Variants in PDE3A observed in about 807,000 individuals in gnomAD.
PDE3A encodes cGMP-inhibited 3',5'-cyclic phosphodiesterase 3A.
A neutral mutation model predicts 98.3 loss-of-function variants in PDE3A; 43 were observed. That is an observed-to-expected ratio of 0.44 (90% CI 0.34 to 0.56). The LOEUF (loss-of-function observed/expected upper bound fraction) is 0.56. Ranked by LOEUF, PDE3A falls within the 20% of genes least tolerant of loss-of-function variation. The probability of loss-of-function intolerance (pLI) is 0.01; values close to 1 mark genes in which losing one functional copy is unlikely to be tolerated. For synonymous variants in PDE3A, 663 were observed against 567.9 expected, an observed-to-expected ratio of 1.17 and a Z score of -2.38; for missense variants, 1,427 against 1,440.7, an observed-to-expected ratio of 0.99 and a Z score of 0.15.
chr12:20,687,914 G>GAAAAAAAAAAAAAAAAAA lies in PDE3A; in HGVS notation c.*7649_*7666dup, dbSNP rs58496505. On this transcript the variant is annotated 3_prime_UTR_variant, in exon 16 of 16. Coordinates refer to ENST00000359062, the MANE Select transcript of PDE3A (RefSeq NM_000921.5). ...GACCAGTCATTACCTCTTCCCAACA[G>GAAAAAAAAAAAAAAAAAA]AAAAAAAAAAAAAAAAAAAAAAACT... Among the ~76,000 whole-genome samples the GAAAAAAAAAAAAAAAAAA allele has an allele frequency of 1.7e-4, 16 of 94,312 alleles. No individual in the cohort carries two copies. Among genetic ancestry groups the GAAAAAAAAAAAAAAAAAA allele is most frequent in the African/African-American group, 6.8e-4 (16 of 23,402 alleles). 61.9% of individuals were successfully genotyped at this position (94,312 alleles called of 152,430 possible). A position where few individuals can be genotyped will look rare whatever the true frequency, so the allele number is the denominator to read the frequency against.
chr12:20,667,278 G>A (rs919146673), intron 15 of PDE3A, among the ~76,000 whole-genome samples: 2 of 152,002 alleles, frequency 1.3e-5, no homozygotes, highest in East Asian at 1.9e-4. Flanking sequence ...TTCGTTTTTA[G>A]TTTAGTCCCA....
chr12:20,429,488 G>C (rs994279927), intron 1 of PDE3A, among the ~76,000 whole-genome samples: 1 of 152,154 alleles, frequency 6.6e-6, no homozygotes, highest in Non-Finnish European at 1.5e-5. Context: ...GTTTAGTTGT[G>C]AATATTGCAT....
chr12:20,370,400 GTTTTTTTTGTTTTTTTTTTTT>G lies in PDE3A; in HGVS notation c.960+158_960+178del, dbSNP rs906745944. On this transcript the variant is annotated intron_variant, in intron 1 of 15. Coordinates refer to ENST00000359062, the MANE Select transcript of PDE3A (RefSeq NM_000921.5). ...TAAGAAACTAGCAGGTTTTTTTTTTGTTTTTTTTGTTTTTTTTTTTTTGTTTTTTTGCCCTCTCTTTCACAC... is the reference window on the plus strand; with the variant it reads ...TAAGAAACTAGCAGGTTTTTTTTTTGTGTTTTTTTGCCCTCTCTTTCACAC... 247 of 359,856 alleles carry G rather than the reference GTTTTTTTTGTTTTTTTTTTTT, an allele frequency of 6.9e-4. 1 individual carries two copies. Among genetic ancestry groups the G allele is most frequent in the Middle Eastern group, 1.5e-3 (2 of 1,362 alleles). The allele number at this position is 359,856 out of a possible 1,614,324, so 22.3% of individuals were successfully genotyped here. A position where few individuals can be genotyped will look rare whatever the true frequency, so the allele number is the denominator to read the frequency against.
intron 1 of PDE3A, chr12:20,553,105 C>T (rs1194389933): frequency 2.5e-6 from 2 of 786,472 alleles, no homozygotes; most frequent in African/African-American, 3.5e-5. Context: ...TTAACTTAAA[C>T]AGGTAGTGTT....
At chr12:20,382,656 TG>T (rs1943682698) in intron 1 of PDE3A, among the ~76,000 whole-genome samples, 2 of 152,096 alleles carry the variant, frequency 1.3e-5, no homozygotes, top group African/African-American at 4.8e-5. Context: ...GACCAAAGCT[TG>T]TAATATATAC....
chr12:20,377,867 C>G (rs1208016962), intron 1 of PDE3A, among the ~76,000 whole-genome samples: 1 of 151,622 alleles, frequency 6.6e-6, no homozygotes, highest in African/African-American at 2.4e-5. Context: ...TGGTATGTAA[C>G]AGGGATTGCT....
chr12:20,420,325 T>A (rs983739735), intron 1 of PDE3A, among the ~76,000 whole-genome samples: 7 of 152,102 alleles, frequency 4.6e-5, no homozygotes, highest in African/African-American at 1.7e-4. Flanking sequence ...ATAAATCCGA[T>A]CTCCACGCTC....
chr12:20,442,551 A>G (rs1018463750), intron 1 of PDE3A, among the ~76,000 whole-genome samples: 12 of 152,208 alleles, frequency 7.9e-5, no homozygotes, highest in African/African-American at 2.7e-4. Context: ...CCAAATGTCA[A>G]GGAGACAGGG....
intron 1 of PDE3A, among the ~76,000 whole-genome samples, chr12:20,462,910 C>A (rs117219562): frequency 0.018 from 2,719 of 151,944 alleles, 45 homozygotes; most frequent in Middle Eastern, 0.088. Context: ...CTACTTCGGC[C>A]TCCTGAGTAT....
intron 6 of PDE3A, among the ~76,000 whole-genome samples, chr12:20,631,931 CT>C (rs1440718904): frequency 6.5e-5 from 5 of 77,124 alleles, no homozygotes; most frequent in African/African-American, 2.3e-4. Flanking sequence ...AAACACACAA[CT>C]AATTGTTGTG....
intron 1 of PDE3A, among the ~76,000 whole-genome samples, chr12:20,419,050 T>C (rs1455769248): frequency 6.6e-6 from 1 of 152,188 alleles, no homozygotes; most frequent in Non-Finnish European, 1.5e-5. Flanking sequence ...TGTTTTCAGA[T>C]ATATGTCTGT....
At chr12:20,423,232 A>G (rs902724142) in intron 1 of PDE3A, among the ~76,000 whole-genome samples, 2 of 152,216 alleles carry the variant, frequency 1.3e-5, no homozygotes, top group Non-Finnish European at 2.9e-5. Flanking sequence ...TTGTGTTTTC[A>G]TAGGTATGAA....
chr12:20,422,037 A>G (rs905286916), intron 1 of PDE3A, among the ~76,000 whole-genome samples: 5 of 152,188 alleles, frequency 3.3e-5, no homozygotes, highest in Non-Finnish European at 5.9e-5. Context: ...AACGATTGCT[A>G]TATTTAGTTT....
intron 1 of PDE3A, among the ~76,000 whole-genome samples, chr12:20,531,068 A>G (rs1436890153): frequency 6.6e-6 from 1 of 152,138 alleles, no homozygotes; most frequent in East Asian, 1.9e-4. Context: ...GGTTCCCCCT[A>G]TCAGGACATA....
intron 1 of PDE3A, among the ~76,000 whole-genome samples, chr12:20,485,411 T>C (rs1242756471): frequency 3.3e-5 from 5 of 152,162 alleles, no homozygotes; most frequent in African/African-American, 1.2e-4. Context: ...TCATGTTTAT[T>C]CACACTGAGG....
At chr12:20,518,696 G>A (rs980936806) in intron 1 of PDE3A, among the ~76,000 whole-genome samples, 4 of 152,090 alleles carry the variant, frequency 2.6e-5, no homozygotes, top group Non-Finnish European at 5.9e-5. Flanking sequence ...AAAGAGAATG[G>A]TGACCAATTT....
intron 6 of PDE3A, among the ~76,000 whole-genome samples, chr12:20,633,006 A>G (rs1944417372): frequency 7.6e-6 from 1 of 130,752 alleles, no homozygotes; most frequent in East Asian, 2.3e-4. Flanking sequence ...GCTGGAGTGC[A>G]GTGGTGCAAT....
intron 1 of PDE3A, among the ~76,000 whole-genome samples, chr12:20,422,171 T>TC (rs1944526828): frequency 6.6e-6 from 1 of 151,812 alleles, no homozygotes; most frequent in African/African-American, 2.4e-5. Context: ...ACGGTGAAAC[T>TC]CCATCTCTAC....
chr12:20,420,504 G>A lies in PDE3A; in HGVS notation c.960+50260G>A, dbSNP rs1944494441. Among the ~76,000 whole-genome samples the A allele has an allele frequency of 3.9e-5, 6 of 152,172 alleles. No homozygotes were observed. In the South Asian group the frequency reaches 1.2e-3, roughly 31 times the overall value. Reference sequence around the variant, plus strand: ...GAAACTCCATTGGTAATGACAAGTAGCAGGACTCTTGGCCAAGAGTTAAGT... The same window carrying A: ...GAAACTCCATTGGTAATGACAAGTAACAGGACTCTTGGCCAAGAGTTAAGT... On this transcript the variant is annotated intron_variant, in intron 1 of 15. Coordinates refer to ENST00000359062, the MANE Select transcript of PDE3A (RefSeq NM_000921.5).
Sources: allele counts gnomAD v4.1 joint callset (sites outside exome capture counted in the v4.1 genomes callset), GRCh38; gene constraint gnomAD v4.1.1; transcripts MANE v1.5; gene names NCBI Gene and HGNC (gene_info 2026-07-23, HGNC 2026-07-21).